The following SGSM1 variants were observed in gnomAD, a reference collection of about 807,000 sequenced individuals.
The protein encoded by SGSM1 is small G protein signaling modulator 1.
SGSM1 carries 73 observed loss-of-function variants against 133.8 expected under a neutral mutation model. The ratio of observed to expected loss-of-function variants is 0.55; its 90% CI spans 0.45 to 0.66. The LOEUF is 0.66. Among genes scored for constraint, SGSM1 ranks in the 30% least tolerant of loss-of-function variants. The pLI is 0.00. For synonymous variants in SGSM1, 563 were observed against 573.0 expected (o/e 0.98, Z 0.25); for missense variants, 1,213 against 1,448.1 (o/e 0.84, Z 2.64).
intron 2 of SGSM1, among the ~76,000 whole-genome samples, chr22:24,812,925 T>C (rs1927832238): frequency 6.6e-6 from 1 of 152,146 alleles, no homozygotes; most frequent in African/African-American, 2.4e-5. Context: ...TCATTCAGTG[T>C]ACAGTATAGT....
intron 4 of SGSM1, among the ~76,000 whole-genome samples, chr22:24,849,691 C>A (rs1219891160): frequency 1.3e-5 from 2 of 152,176 alleles, no homozygotes; most frequent in Admixed American, 1.3e-4. Context: ...TCCAGGAGGG[C>A]TTCCTGTAGG....
At chr22:24,892,823 C>T (rs559605232) in intron 16 of SGSM1, among the ~76,000 whole-genome samples, 2 of 144,740 alleles carry the variant, frequency 1.4e-5, no homozygotes, top group African/African-American at 5.2e-5. Context: ...CTGAGGCGGG[C>T]GGATCACGAG....
intron 4 of SGSM1, among the ~76,000 whole-genome samples, chr22:24,848,559 C>T (rs992995536): frequency 6.6e-6 from 1 of 152,164 alleles, no homozygotes; most frequent in Admixed American, 6.5e-5. Flanking sequence ...CAGCCAGAGC[C>T]ACTCCCTGGG....
intron 16 of SGSM1, among the ~76,000 whole-genome samples, chr22:24,888,938 C>CTT (rs1234715475): frequency 0.12 from 9,593 of 79,838 alleles, 1,043 homozygotes; most frequent in Middle Eastern, 0.14. Flanking sequence ...TCATAGTCAC[C>CTT]TTTTTTTTTT....
chr22:24,903,357 C>T (rs926267562), intron 20 of SGSM1, among the ~76,000 whole-genome samples: 31 of 151,626 alleles, frequency 2.0e-4, no homozygotes, highest in Middle Eastern at 3.2e-3. Context: ...TATAGGTGCA[C>T]GCTGCCAGGC....
intron 13 of SGSM1, among the ~76,000 whole-genome samples, chr22:24,878,507 T>A (rs111629418): frequency 6.6e-6 from 1 of 152,228 alleles, no homozygotes; most frequent in African/African-American, 2.4e-5. Context: ...TGTGCCTAAG[T>A]GGAGGACTTC....
Position 24,855,641 on chromosome 22 carries a change from C to CA in SGSM1, c.763dup (p.Thr255AsnfsTer31). 1.2e-6 allele frequency: 2 copies of CA among 1,613,994 alleles called. No individual in the cohort carries two copies. The highest frequency in any genetic ancestry group is 1.7e-6 in the Non-Finnish European group (2 of 1,179,888). On this transcript the variant is annotated frameshift_variant, in exon 8 of 25. Coordinates refer to ENST00000400358, the MANE Select transcript of SGSM1 (RefSeq NM_001098497.3). LOFTEE classifies it high-confidence loss of function. ...AGTCCCTGCATCAGAACTCCCGTGCCACCCTTCTCTATGGCAAAAACAACG... is the reference window on the plus strand; with the variant it reads ...AGTCCCTGCATCAGAACTCCCGTGCCAACCCTTCTCTATGGCAAAAACAACG...
intron 2 of SGSM1, among the ~76,000 whole-genome samples, chr22:24,832,023 GC>G (rs1929149256): frequency 6.6e-6 from 1 of 152,128 alleles, no homozygotes; most frequent in Admixed American, 6.5e-5. Context: ...CTGCAGGGAG[GC>G]CCCCCGGAAT....
rs1932854450 is a variant in SGSM1, at chr22:24,893,623, G to A, written c.1953+10G>A. ...AACCATCAGCAATGAGGTGATGGGCGGCTGGCCTCGGGGAGCGCGGGGGCT... is the reference window on the plus strand; with the variant it reads ...AACCATCAGCAATGAGGTGATGGGCAGCTGGCCTCGGGGAGCGCGGGGGCT... On this transcript the variant is annotated intron_variant, in intron 17 of 24. Coordinates refer to ENST00000400358, the MANE Select transcript of SGSM1 (RefSeq NM_001098497.3). The A allele has an allele frequency of 3.9e-6, 6 of 1,549,768 alleles. No homozygotes were observed. The highest frequency in any genetic ancestry group is 1.9e-5 in the Admixed American group (1 of 52,796).
rs545038400 is a variant in SGSM1 at position 24,891,251 on chromosome 22, T to C, written c.1771-2180T>C. On this transcript the variant is annotated intron_variant, in intron 16 of 24. Coordinates refer to ENST00000400358, the MANE Select transcript of SGSM1 (RefSeq NM_001098497.3). ...AGCGTGTGCTTATAGTCCTAGCTAC[T>C]CAGGAGGCTGAGACGGGAGGATTGC... Among the ~76,000 whole-genome samples the C allele has an allele frequency of 2.6e-5, 4 of 152,280 alleles. No homozygotes were observed. In the East Asian group the frequency reaches 7.7e-4, roughly 29 times the overall value.
At chr22:24,860,915 A>T (rs1601931817) in intron 9 of SGSM1, among the ~76,000 whole-genome samples, 1 of 109,498 alleles carries the variant, frequency 9.1e-6, no homozygotes. Context: ...AAAAAAAAAA[A>T]AAAAAAAATA....
At chr22:24,825,408 C>T (rs1026564739) in intron 2 of SGSM1, among the ~76,000 whole-genome samples, 7 of 152,070 alleles carry the variant, frequency 4.6e-5, no homozygotes, top group African/African-American at 1.7e-4. Context: ...GCTGTGCTCA[C>T]TTACTAAGTT....
At chr22:24,870,252 C>G (rs1931703578) in intron 12 of SGSM1, among the ~76,000 whole-genome samples, 2 of 152,208 alleles carry the variant, frequency 1.3e-5, no homozygotes, top group Non-Finnish European at 2.9e-5. Flanking sequence ...GTTATGGGCC[C>G]CAAGGCTGAA....
chr22:24,806,364 G>C lies in SGSM1; in HGVS notation c.19+20G>C, dbSNP rs759265873. 1 of 1,500,186 alleles carries C rather than the reference G, an allele frequency of 6.7e-7. No individual in the cohort carries two copies. Among genetic ancestry groups the C allele is most frequent in the Non-Finnish European group, 8.9e-7 (1 of 1,125,404 alleles). 92.9% of individuals were successfully genotyped at this position (1,500,186 alleles called of 1,614,324 possible). ...CCGCGGGTAAGAGGCCGCTGGACAC[G>C]AGGGCGGCGGGAGGGCAGCGCCCGG... On this transcript the variant is annotated intron_variant, in intron 1 of 24. Coordinates refer to ENST00000400358, the MANE Select transcript of SGSM1 (RefSeq NM_001098497.3).
chr22:24,813,452 A>G lies in SGSM1; in HGVS notation c.63+6968A>G, dbSNP rs946027667. ...TTTTCCATTCTTGGGCTGGAATCAC[A>G]GCCCCCCACCCACTACTCGCCCCAC... On this transcript the variant is annotated intron_variant, in intron 2 of 24. Coordinates refer to ENST00000400358, the MANE Select transcript of SGSM1 (RefSeq NM_001098497.3). Among the ~76,000 whole-genome samples the G allele has an allele frequency of 9.2e-5, 14 of 152,150 alleles. 1 individual carries two copies. Among genetic ancestry groups the G allele is most frequent in the African/African-American group, 1.4e-4 (6 of 41,424 alleles).
intron 2 of SGSM1, among the ~76,000 whole-genome samples, chr22:24,841,935 T>C (rs1209512123): frequency 6.6e-6 from 1 of 152,190 alleles, no homozygotes; most frequent in Non-Finnish European, 1.5e-5. Flanking sequence ...CCCAGGTCTG[T>C]CTGTCCCCAA....
chr22:24,913,834 A>T (rs1244302006), intron 22 of SGSM1, among the ~76,000 whole-genome samples: 2 of 151,958 alleles, frequency 1.3e-5, no homozygotes, highest in Admixed American at 6.6e-5. Context: ...AGCCCGGCCA[A>T]CATGGTGAAA....
Position 24,895,240 on chromosome 22 carries a change from T to G in SGSM1, c.1971T>G (p.Ser657Arg). The change falls in exon 18 of 25, where the codon AGT becomes AGG. Residue 657 changes from serine (S) to arginine (R), a missense_variant. Ser to Arg is a moderately radical substitution (Grantham distance 110, BLOSUM62 -1). Transcript: ENST00000400358. ...TTTCTCAGTCCTCCCAGAGCTGCAG[T>G]TCGGGCCGCCAGAACATCCGCCTGC... is the stretch of plus-strand genomic sequence containing the variant. ...TISNESSQSC[S>R]SGRQNIRLHS... 1 of 1,611,546 alleles carries G rather than the reference T, an allele frequency of 6.2e-7. No homozygotes were observed. The highest frequency in any genetic ancestry group is 8.5e-7 in the Non-Finnish European group (1 of 1,179,064).
Position 24,859,266 on chromosome 22 carries a change from G to T in SGSM1, c.802-450G>T, listed in dbSNP as rs570318642. On this transcript the variant is annotated intron_variant, in intron 8 of 24. Coordinates refer to ENST00000400358, the MANE Select transcript of SGSM1 (RefSeq NM_001098497.3). ...GCTACTGGGCGGGGAGTGTAGGGGG[G>T]GTTTTTGGGAGGAGGTCTCTGAGTA... 3.3e-5 allele frequency among the ~76,000 whole-genome samples: 5 copies of T among 152,216 alleles called. No homozygotes were observed. In the South Asian group the frequency reaches 6.2e-4, roughly 19 times the overall value.
Sources: allele counts gnomAD v4.1 joint callset (sites outside exome capture counted in the v4.1 genomes callset), GRCh38; gene constraint gnomAD v4.1.1; transcripts MANE v1.5; gene names NCBI Gene and HGNC (gene_info 2026-07-23, HGNC 2026-07-21).